Variants in LINGO2 observed in about 807,000 individuals in gnomAD.
LINGO2 encodes leucine rich repeat and Ig domain containing 2, also known as leucine-rich repeat and immunoglobulin-like domain-containing nogo receptor-interacting protein 2.
LINGO2 carries 14 observed loss-of-function variants against 30.6 expected under a neutral mutation model. That is an observed-to-expected ratio of 0.46 (90% CI 0.30 to 0.72). LINGO2 has a LOEUF of 0.72. LINGO2 is among the 30% of genes least tolerant of loss of function. The probability of loss-of-function intolerance (pLI) is 0.07; values close to 1 mark genes in which losing one functional copy is unlikely to be tolerated. For missense variants in LINGO2, 729 were observed against 751.7 expected, an observed-to-expected ratio of 0.97 and a Z score of 0.35; for synonymous variants, 317 against 288.5, an observed-to-expected ratio of 1.10 and a Z score of -1.00.
chr9:28,215,373 T>C (rs1183540697), intron 4 of LINGO2, among the ~76,000 whole-genome samples: 2 of 151,664 alleles, frequency 1.3e-5, no homozygotes, highest in South Asian at 2.1e-4. Context: ...TTGGCGATGA[T>C]TGTGGAAGTT....
At chr9:28,538,596 AAATTTATTTCT>A (rs1480948099) in intron 1 of LINGO2, among the ~76,000 whole-genome samples, 2 of 152,186 alleles carry the variant, frequency 1.3e-5, no homozygotes, top group African/African-American at 4.8e-5. Context: ...TAAACAACAT[AAATTTATTTCT>A]CACAGTTCCA....
chr9:28,071,759 A>C lies in LINGO2; in HGVS notation c.-86-59354T>G, dbSNP rs539102644. On this transcript the variant is annotated intron_variant, in intron 4 of 5. Coordinates refer to ENST00000379992, the Ensembl canonical transcript of LINGO2. ...TTTGGTTCTAAGAGCTGTCTGTCAC[A>C]GCTCTTTCTGTGCGTCATTCTCTTC... Among the ~76,000 whole-genome samples, 46 of 152,202 alleles carry C rather than the reference A, an allele frequency of 3.0e-4. 2 individuals are homozygous for C. The South Asian group carries it at 9.5e-3, about 32-fold the overall frequency.
the LINGO2 span, among the ~76,000 whole-genome samples, chr9:29,147,216 G>A: frequency 6.6e-6 from 1 of 152,024 alleles, no homozygotes; most frequent in South Asian, 2.1e-4. Flanking sequence ...AAATGAAGAT[G>A]ACAGAGTATC....
At chr9:28,621,952 C>T (rs1482153699) in intron 1 of LINGO2, among the ~76,000 whole-genome samples, 1 of 151,998 alleles carries the variant, frequency 6.6e-6, no homozygotes, top group African/African-American at 2.4e-5. Context: ...AAAAAATGTG[C>T]CAAGACTTGC....
intron 3 of LINGO2, among the ~76,000 whole-genome samples, chr9:28,357,321 C>CCG (rs1431464900): frequency 1.4e-5 from 2 of 138,912 alleles, no homozygotes; most frequent in Non-Finnish European, 1.6e-5. Context: ...TAAAGCCCAC[C>CCG]CCCCCCAAAA....
chr9:28,563,251 T>G (rs528864041), intron 1 of LINGO2, among the ~76,000 whole-genome samples: 2 of 152,246 alleles, frequency 1.3e-5, no homozygotes, highest in Admixed American at 1.3e-4. Flanking sequence ...GAGCCAGGAA[T>G]TAAATCCAGA....
chr9:28,459,608 G>A (rs1464350870), intron 2 of LINGO2, among the ~76,000 whole-genome samples: 1 of 151,934 alleles, frequency 6.6e-6, no homozygotes, highest in Non-Finnish European at 1.5e-5. Context: ...GTCCCATGTA[G>A]ACTTTTCGCT....
intron 1 of LINGO2, among the ~76,000 whole-genome samples, chr9:28,493,907 G>A: frequency 6.6e-6 from 1 of 152,122 alleles, no homozygotes; most frequent in East Asian, 1.9e-4. Flanking sequence ...TGGACTCCAA[G>A]TTCTTCAGTT....
intron 2 of LINGO2, among the ~76,000 whole-genome samples, chr9:28,441,164 T>C (rs548049939): frequency 4.0e-5 from 6 of 151,094 alleles, no homozygotes; most frequent in African/African-American, 1.5e-4. Flanking sequence ...CACCTTGATA[T>C]TGGACTTCCC....
At chr9:28,603,811 G>T (rs1377921237) in intron 1 of LINGO2, among the ~76,000 whole-genome samples, 1 of 151,950 alleles carries the variant, frequency 6.6e-6, no homozygotes, top group Admixed American at 6.6e-5. Flanking sequence ...TAGTGTTTTT[G>T]ATGTAACCCA....
At chr9:28,991,623 G>A in the LINGO2 span, among the ~76,000 whole-genome samples, 4 of 148,034 alleles carry the variant, frequency 2.7e-5, no homozygotes, top group East Asian at 4.0e-4. Flanking sequence ...GAGAAAGGTC[G>A]GGTTACCCAC....
chr9:28,590,985 A>C (rs1307832475), intron 1 of LINGO2, among the ~76,000 whole-genome samples: 3 of 152,270 alleles, frequency 2.0e-5, no homozygotes, highest in East Asian at 3.9e-4. Context: ...GCCATAAAAA[A>C]CGATGAGTTC....
At chr9:28,987,454 T>C in the LINGO2 span, among the ~76,000 whole-genome samples, 2 of 152,032 alleles carry the variant, frequency 1.3e-5, no homozygotes, top group Admixed American at 1.3e-4. Context: ...GTTGACTAAA[T>C]AAAAGCATGT....
At chr9:28,094,379 C>A (rs984353649) in intron 4 of LINGO2, among the ~76,000 whole-genome samples, 1 of 151,950 alleles carries the variant, frequency 6.6e-6, no homozygotes, top group South Asian at 2.1e-4. Flanking sequence ...CCTCTCTAAC[C>A]CAGAATGTCC....
At chr9:28,397,022 A>G (rs933637230) in intron 2 of LINGO2, among the ~76,000 whole-genome samples, 2 of 152,118 alleles carry the variant, frequency 1.3e-5, no homozygotes, top group African/African-American at 4.8e-5. Flanking sequence ...TAATAAATTT[A>G]TATGTAAAAA....
At chr9:28,306,625 C>T (rs527283212) in intron 3 of LINGO2, among the ~76,000 whole-genome samples, 15 of 151,922 alleles carry the variant, frequency 9.9e-5, no homozygotes, top group Non-Finnish European at 1.3e-4. Flanking sequence ...CTTCAAAAAA[C>T]TAATGAATCC....
intron 4 of LINGO2, among the ~76,000 whole-genome samples, chr9:28,244,745 A>G (rs1210883546): frequency 2.0e-5 from 3 of 151,976 alleles, no homozygotes; most frequent in African/African-American, 7.2e-5. Flanking sequence ...TCCCAAAACT[A>G]AACCAGGAAG....
intron 4 of LINGO2, among the ~76,000 whole-genome samples, chr9:28,215,651 C>CTT: frequency 6.7e-6 from 1 of 149,306 alleles, no homozygotes; most frequent in East Asian, 2.1e-4. Context: ...GTGCATGTGT[C>CTT]TTTGTGTGTG....
intron 4 of LINGO2, among the ~76,000 whole-genome samples, chr9:28,062,404 A>G (rs1825171746): frequency 6.8e-6 from 1 of 146,944 alleles, no homozygotes; most frequent in Non-Finnish European, 1.5e-5. Context: ...TGTATATCAC[A>G]TATATACTAT....
Sources: allele counts gnomAD v4.1 joint callset (sites outside exome capture counted in the v4.1 genomes callset), GRCh38; gene constraint gnomAD v4.1.1; transcripts MANE v1.5; gene names NCBI Gene and HGNC (gene_info 2026-07-23, HGNC 2026-07-21).